Variants in FAM117B observed in about 807,000 individuals in gnomAD.
The protein encoded by FAM117B is family with sequence similarity 117 member B, also known as protein FAM117B.
Under a neutral mutation model 52.8 loss-of-function variants are expected in FAM117B, and 22 were observed. The ratio of observed to expected loss-of-function variants is 0.42; its 90% CI spans 0.30 to 0.59. The LOEUF (loss-of-function observed/expected upper bound fraction) is 0.59, where lower values mean the gene tolerates loss of function less well. Among genes scored for constraint, FAM117B ranks in the 20% least tolerant of loss-of-function variants. The pLI, the probability that FAM117B is intolerant of heterozygous loss-of-function variation, is 0.22. For synonymous variants in FAM117B, 309 were observed against 324.1 expected (o/e 0.95, Z 0.50); for missense variants, 678 against 802.6 (o/e 0.84, Z 1.88).
intron 2 of FAM117B, among the ~76,000 whole-genome samples, chr2:202,705,635 A>G (rs983619793): frequency 2.0e-5 from 3 of 152,214 alleles, no homozygotes; most frequent in African/African-American, 7.2e-5. Context: ...CAGAGCTACA[A>G]TGTCACCAAC....
intron 2 of FAM117B, among the ~76,000 whole-genome samples, chr2:202,716,856 C>T (rs539151862): frequency 6.6e-6 from 1 of 152,274 alleles, no homozygotes; most frequent in Admixed American, 6.5e-5. Context: ...TCCAGAATTT[C>T]TGCTTCTTTT....
At chr2:202,738,780 T>TAA in intron 4 of FAM117B, among the ~76,000 whole-genome samples, 1 of 152,272 alleles carries the variant, frequency 6.6e-6, no homozygotes, top group South Asian at 2.1e-4. Flanking sequence ...AGAGCTTTTG[T>TAA]AAAAGTAAAT....
At position 202,659,548 on chromosome 2, in the gene FAM117B, C is replaced by T. The variant is rs143746414; in HGVS notation, c.601+23760C>T. ...CTGGTGGCAAAGTCCTAGGCTCAAG[C>T]GATCCACCCCCCTTGGTCTCCCATA... On this transcript the variant is annotated intron_variant, in intron 1 of 7. Coordinates refer to ENST00000392238, the MANE Select transcript of FAM117B (RefSeq NM_173511.4). Among the ~76,000 whole-genome samples the T allele has an allele frequency of 2.0e-4, 30 of 148,408 alleles. No homozygotes were observed. In the East Asian group the frequency reaches 4.8e-3, roughly 24 times the overall value.
At chr2:202,662,472 AC>A (rs1226267749) in intron 1 of FAM117B, among the ~76,000 whole-genome samples, 3 of 152,156 alleles carry the variant, frequency 2.0e-5, no homozygotes, top group Non-Finnish European at 4.4e-5. Context: ...GTTCTGTTGC[AC>A]AGTAGGGTGA....
chr2:202,689,995 G>T (rs767880933), intron 1 of FAM117B, among the ~76,000 whole-genome samples: 1 of 152,090 alleles, frequency 6.6e-6, no homozygotes, highest in Admixed American at 6.6e-5. Flanking sequence ...TCTAACACTG[G>T]TTTATCAAGG....
intron 2 of FAM117B, among the ~76,000 whole-genome samples, chr2:202,704,548 A>G (rs1690844971): frequency 6.6e-6 from 1 of 152,192 alleles, no homozygotes; most frequent in African/African-American, 2.4e-5. Flanking sequence ...GTGCTTTCAG[A>G]AAGCTGATGT....
At chr2:202,710,682 C>G (rs1254460458) in intron 2 of FAM117B, among the ~76,000 whole-genome samples, 1 of 151,568 alleles carries the variant, frequency 6.6e-6, no homozygotes, top group African/African-American at 2.4e-5. Context: ...TTTTTTGTAC[C>G]CATTAACCAT....
At chr2:202,666,896 C>T (rs576668006) in intron 1 of FAM117B, among the ~76,000 whole-genome samples, 122 of 151,918 alleles carry the variant, frequency 8.0e-4, no homozygotes, top group Non-Finnish European at 1.6e-3. Context: ...CCACCTGCCT[C>T]GGCCTCCCAA....
At chr2:202,707,818 G>A (rs894275520) in intron 2 of FAM117B, among the ~76,000 whole-genome samples, 3 of 151,546 alleles carry the variant, frequency 2.0e-5, no homozygotes, top group Admixed American at 6.6e-5. Flanking sequence ...GCCCAGGCTG[G>A]AGTGCAGCAG....
At chr2:202,706,064 G>C (rs1472686030) in intron 2 of FAM117B, among the ~76,000 whole-genome samples, 1 of 152,102 alleles carries the variant, frequency 6.6e-6, no homozygotes, top group Admixed American at 6.6e-5. Context: ...CCAGGCTAGA[G>C]TGTAGTGGCT....
intron 1 of FAM117B, among the ~76,000 whole-genome samples, chr2:202,649,603 G>C (rs936659265): frequency 1.3e-5 from 2 of 151,990 alleles, no homozygotes; most frequent in Non-Finnish European, 2.9e-5. Flanking sequence ...TGAGGCTGGA[G>C]TGCAATGGCG....
chr2:202,762,496 T>C (rs1264029859), intron 7 of FAM117B, among the ~76,000 whole-genome samples: 1 of 152,248 alleles, frequency 6.6e-6, no homozygotes, highest in Non-Finnish European at 1.5e-5. Context: ...ATGGCTTCTT[T>C]GCAATATAGA....
chr2:202,699,319 C>T (rs1192205629), intron 2 of FAM117B, among the ~76,000 whole-genome samples: 8 of 146,744 alleles, frequency 5.5e-5, no homozygotes, highest in Admixed American at 1.4e-4. Context: ...CCCAGCTACT[C>T]GGGAAGCTGA....
chr2:202,662,578 C>A (rs1182594219), intron 1 of FAM117B, among the ~76,000 whole-genome samples: 2 of 152,168 alleles, frequency 1.3e-5, no homozygotes, highest in Non-Finnish European at 2.9e-5. Context: ...TGCAGTGGCT[C>A]ACGCCTGTAA....
chr2:202,680,778 CTT>C (rs1318622529), intron 1 of FAM117B, among the ~76,000 whole-genome samples: 1 of 152,066 alleles, frequency 6.6e-6, no homozygotes, highest in Non-Finnish European at 1.5e-5. Context: ...AATATAAAGG[CTT>C]TTTATACATA....
Position 202,668,620 on chromosome 2 carries a change from TAATAAATA to T in FAM117B, c.602-27234_602-27227del, listed in dbSNP as rs60605421. 7.4e-4 allele frequency among the ~76,000 whole-genome samples: 109 copies of T among 147,014 alleles called. 1 individual carries two copies. Among genetic ancestry groups the T allele is most frequent in the Admixed American group, 1.8e-3 (27 of 14,670 alleles). ...GGGCTACAGAGTGAGATCTTGTTCC[TAATAAATA>T]AATAAATAAATAAATAAATAAATAA... On this transcript the variant is annotated intron_variant, in intron 1 of 7. Coordinates refer to ENST00000392238, the MANE Select transcript of FAM117B (RefSeq NM_173511.4).
chr2:202,708,845 C>T (rs1559106902), intron 2 of FAM117B, among the ~76,000 whole-genome samples: 1 of 152,128 alleles, frequency 6.6e-6, no homozygotes, highest in Non-Finnish European at 1.5e-5. Flanking sequence ...CTCAAGCGAT[C>T]CTCCCACCTC....
intron 1 of FAM117B, among the ~76,000 whole-genome samples, chr2:202,651,908 C>T (rs1689964001): frequency 6.6e-6 from 1 of 151,746 alleles, no homozygotes; most frequent in South Asian, 2.1e-4. Flanking sequence ...ACAAAATTAG[C>T]CGGGCGTGGT....
intron 2 of FAM117B, among the ~76,000 whole-genome samples, chr2:202,704,644 T>G (rs1690846051): frequency 6.6e-6 from 1 of 152,176 alleles, no homozygotes; most frequent in African/African-American, 2.4e-5. Flanking sequence ...CAGGCTAGAG[T>G]GCAGTGGCAC....
Sources: gnomAD v4.1 joint callset for allele counts (sites outside exome capture counted in the v4.1 genomes callset) on GRCh38, gnomAD v4.1.1 for gene constraint, MANE v1.5 for transcripts, NCBI Gene and HGNC (gene_info 2026-07-23, HGNC 2026-07-21) for gene names.